Variants in BAG3 observed in about 807,000 individuals in gnomAD.
BAG3 encodes BAG cochaperone 3.
BAG3 carries 14 observed loss-of-function variants against 40.5 expected under a neutral mutation model. The ratio of observed to expected loss-of-function variants is 0.35; its 90% confidence interval spans 0.23 to 0.54. The LOEUF is 0.54. Ranked by LOEUF, BAG3 falls within the 20% of genes least tolerant of loss-of-function variation. The pLI, the probability that BAG3 is intolerant of heterozygous loss-of-function variation, is 0.91. For synonymous variants in BAG3, 302 were observed against 307.8 expected (o/e 0.98, Z 0.20); for missense variants, 788 against 758.6 (o/e 1.04, Z -0.46).
At chr10:119,665,251 C>T (rs751948626) in intron 1 of BAG3, among the ~76,000 whole-genome samples, 24 of 151,174 alleles carry the variant, frequency 1.6e-4, no homozygotes, top group Non-Finnish European at 3.2e-4. Flanking sequence ...ATTCTCCTGC[C>T]TCAGCCTCCC....
At chr10:119,670,432 G>A (rs1470594092) in intron 2 of BAG3, among the ~76,000 whole-genome samples, 5 of 152,238 alleles carry the variant, frequency 3.3e-5, no homozygotes, top group Non-Finnish European at 7.3e-5. Flanking sequence ...GCTAAGGAAC[G>A]GCTCGGAAGG....
chr10:119,659,171 G>A (rs565957036), intron 1 of BAG3, among the ~76,000 whole-genome samples: 2 of 152,198 alleles, frequency 1.3e-5, no homozygotes, highest in African/African-American at 2.4e-5. Flanking sequence ...CGGGGCCTTC[G>A]GGAGCCTTGA....
intron 1 of BAG3, among the ~76,000 whole-genome samples, chr10:119,657,024 A>G (rs1178584888): frequency 1.3e-5 from 2 of 151,442 alleles, no homozygotes; most frequent in African/African-American, 4.9e-5. Context: ...GCTGCTTTAT[A>G]CTCCCCAGGC....
intron 1 of BAG3, among the ~76,000 whole-genome samples, chr10:119,662,446 C>G (rs1008021479): frequency 6.6e-6 from 1 of 151,934 alleles, no homozygotes; most frequent in South Asian, 2.1e-4. Flanking sequence ...TAATTTTGAT[C>G]CAGGCCTTAG....
In BAG3 at chr10:119,676,583, C is replaced by G. The variant is rs117972572; in HGVS notation, c.1029C>G (p.Arg343=). Residue 343 remains arginine, a synonymous_variant, in exon 4 of 4, where the codon CGC becomes CGG. Coordinates refer to ENST00000369085, the MANE Select transcript of BAG3 (RefSeq NM_004281.4). ...PPGHIPIQVI[R]KEVDSKPVSQ... is the part of the protein sequence containing the mutation. ...GACACATCCCAATTCAAGTGATCCG[C>G]AAAGAGGTGGATTCTAAACCTGTTT... The G allele has an allele frequency of 6.2e-7, 1 of 1,614,020 alleles. No homozygotes were observed. The highest frequency in any genetic ancestry group is 8.5e-7 in the Non-Finnish European group (1 of 1,180,036).
At chr10:119,665,143 T>TTTTTTC (rs1564771840) in intron 1 of BAG3, among the ~76,000 whole-genome samples, 2 of 113,780 alleles carry the variant, frequency 1.8e-5, no homozygotes, top group African/African-American at 6.9e-5. Context: ...TATATATATA[T>TTTTTTC]ATTTTTTTTT....
At chr10:119,659,987 T>C (rs997417788) in intron 1 of BAG3, among the ~76,000 whole-genome samples, 6 of 152,164 alleles carry the variant, frequency 3.9e-5, no homozygotes, top group Admixed American at 2.0e-4. Flanking sequence ...TCATGTGACC[T>C]TGGGCCACAT....
At chr10:119,652,295 CG>C (rs955332948) in intron 1 of BAG3, among the ~76,000 whole-genome samples, 3 of 152,164 alleles carry the variant, frequency 2.0e-5, no homozygotes, top group Non-Finnish European at 2.9e-5. Context: ...CTGCTGACCG[CG>C]GACTCGAGGG....
intron 1 of BAG3, among the ~76,000 whole-genome samples, chr10:119,656,178 A>G (rs1221152857): frequency 1.3e-5 from 2 of 152,162 alleles, no homozygotes; most frequent in Non-Finnish European, 2.9e-5. Context: ...TAAATGTTTA[A>G]GAGAGCTTAC....
At chr10:119,663,300 T>G (rs1203200256) in intron 1 of BAG3, among the ~76,000 whole-genome samples, 4 of 144,964 alleles carry the variant, frequency 2.8e-5, no homozygotes, top group African/African-American at 9.7e-5. Context: ...GGTTTTGTTT[T>G]TTTGTTGTTG....
At chr10:119,655,608 G>A (rs1450701487) in intron 1 of BAG3, among the ~76,000 whole-genome samples, 2 of 152,200 alleles carry the variant, frequency 1.3e-5, no homozygotes, top group Admixed American at 1.3e-4. Flanking sequence ...AGCACAATCA[G>A]GAAATGAGTG....
chr10:119,677,490 CTTG>C lies in BAG3; in HGVS notation c.*214_*216del, dbSNP rs369572262. 1.4e-4 allele frequency: 99 copies of C among 708,384 alleles called. 1 individual carries two copies. In the African/African-American group the frequency reaches 1.7e-3, roughly 12 times the overall value. The allele number at this position is 708,384 out of a possible 1,614,324, so 43.9% of individuals were successfully genotyped here. On this transcript the variant is annotated 3_prime_UTR_variant, in exon 4 of 4. Coordinates refer to ENST00000369085, the MANE Select transcript of BAG3 (RefSeq NM_004281.4). ...TTACTCTGTACAAATAAAGAAGTTG[CTTG>C]TTGTTTGAGAAGTTTAACCCCGTTG...
At chr10:119,654,005 C>G (rs1043091866) in intron 1 of BAG3, among the ~76,000 whole-genome samples, 2 of 152,154 alleles carry the variant, frequency 1.3e-5, no homozygotes, top group African/African-American at 4.8e-5. Context: ...GTTCCCTTTA[C>G]CAAGTGAATG....
At chr10:119,652,180 C>G (rs1359407526) in intron 1 of BAG3, among the ~76,000 whole-genome samples, 1 of 152,074 alleles carries the variant, frequency 6.6e-6, no homozygotes, top group Non-Finnish European at 1.5e-5. Flanking sequence ...GCCTCGCGCT[C>G]TAGGGCTGGG....
chr10:119,672,760 A>G lies in BAG3; in HGVS notation c.909+104A>G. 6.7e-7 allele frequency: 1 copy of G among 1,489,206 alleles called. No individual in the cohort carries two copies. Among genetic ancestry groups the G allele is most frequent in the Non-Finnish European group, 9.2e-7 (1 of 1,088,044 alleles). The allele number at this position is 1,489,206 out of a possible 1,614,324, so 92.2% of individuals were successfully genotyped here. A position where few individuals can be genotyped will look rare whatever the true frequency, so the allele number is the denominator to read the frequency against. ...TTCCCCCTTCATCCCTGCCTATTTA[A>G]CATGCGTGTACCTACAGGCAAGTGA... On this transcript the variant is annotated intron_variant, in intron 3 of 3. Transcript: ENST00000369085. This position sits in a 1 kb window ranked among gnomAD's most constrained non-coding sequence, Gnocchi z 4.8.
chr10:119,676,220 A>G (rs1847232365), intron 3 of BAG3, among the ~76,000 whole-genome samples: 1 of 152,004 alleles, frequency 6.6e-6, no homozygotes, highest in African/African-American at 2.4e-5. Context: ...AAATTCAGTG[A>G]GAGGTAATAG....
intron 3 of BAG3, among the ~76,000 whole-genome samples, chr10:119,675,852 TGCC>T (rs1217827197): frequency 4.2e-5 from 2 of 48,046 alleles, no homozygotes; most frequent in African/African-American, 9.8e-5. Context: ...CCTTCCTTCC[TGCC>T]CCCTTCCCCC....
intron 1 of BAG3, among the ~76,000 whole-genome samples, chr10:119,659,111 C>A (rs549748445): frequency 6.6e-6 from 1 of 152,160 alleles, no homozygotes; most frequent in Non-Finnish European, 1.5e-5. Context: ...TGGGGCTTCC[C>A]GTGCCCCTTG....
chr10:119,658,126 A>G (rs775899400), intron 1 of BAG3, among the ~76,000 whole-genome samples: 3 of 152,256 alleles, frequency 2.0e-5, no homozygotes, highest in Non-Finnish European at 4.4e-5. Context: ...AGTGTTTATT[A>G]AAGTAGAATT....
Sources: gnomAD v4.1 joint callset for allele counts (sites outside exome capture counted in the v4.1 genomes callset) on GRCh38, gnomAD v4.1.1 for gene constraint, Gnocchi (gnomAD v3.1) non-coding constraint, MANE v1.5 for transcripts, NCBI Gene and HGNC (gene_info 2026-07-23, HGNC 2026-07-21) for gene names.